CDH4: variants seen among roughly 807,000 people sequenced by gnomAD.
CDH4 encodes cadherin-4.
Under a neutral mutation model 86.0 loss-of-function variants are expected in CDH4, and 33 were observed. The ratio of observed to expected loss-of-function variants is 0.38; its 90% CI spans 0.29 to 0.51. The LOEUF (loss-of-function observed/expected upper bound fraction) is 0.51. Ranked by LOEUF, CDH4 falls within the 20% of genes least tolerant of loss-of-function variation. CDH4 has a pLI of 0.86. For synonymous variants in CDH4, 555 were observed against 549.4 expected, an observed-to-expected ratio of 1.01 and a Z score of -0.14; for missense variants, 1,114 against 1,307.4, an observed-to-expected ratio of 0.85 and a Z score of 2.28.
intron 2 of CDH4, among the ~76,000 whole-genome samples, chr20:61,403,097 C>T (rs1304032522): frequency 2.0e-5 from 3 of 152,184 alleles, no homozygotes; most frequent in Admixed American, 6.5e-5. Context: ...CCCCATTCTC[C>T]CTTTCTCCTT....
chr20:61,876,695 T>C (rs541766312), intron 7 of CDH4, among the ~76,000 whole-genome samples: 69 of 152,214 alleles, frequency 4.5e-4, no homozygotes, highest in African/African-American at 1.6e-3. Context: ...CTGCACTGGT[T>C]TCGTGTCGGT....
chr20:61,747,262 A>C (rs1422524704), intron 3 of CDH4, among the ~76,000 whole-genome samples: 2 of 152,142 alleles, frequency 1.3e-5, no homozygotes, highest in Non-Finnish European at 2.9e-5. Flanking sequence ...AACACGGTGA[A>C]ACTCTGTCTC....
At chr20:61,276,159 C>A (rs1259267276) in intron 2 of CDH4, among the ~76,000 whole-genome samples, 1 of 152,154 alleles carries the variant, frequency 6.6e-6, no homozygotes, top group African/African-American at 2.4e-5. Context: ...CTCACAGTGC[C>A]TGTCTTTTGG....
At chr20:61,732,102 G>T (rs2088197348) in intron 2 of CDH4, among the ~76,000 whole-genome samples, 1 of 152,066 alleles carries the variant, frequency 6.6e-6, no homozygotes, top group African/African-American at 2.4e-5. Context: ...CTCACTGCTG[G>T]GCTGGTTCAC....
intron 3 of CDH4, among the ~76,000 whole-genome samples, chr20:61,761,118 T>C (rs1238188064): frequency 1.3e-5 from 2 of 152,072 alleles, no homozygotes; most frequent in East Asian, 1.9e-4. Flanking sequence ...GAAAAGGAAA[T>C]AGGAGGTAGA....
chr20:61,843,002 C>T (rs1047265114), intron 4 of CDH4, among the ~76,000 whole-genome samples: 4 of 152,204 alleles, frequency 2.6e-5, no homozygotes, highest in African/African-American at 7.2e-5. Context: ...ATGGTTATTT[C>T]GCAGTGTCAT....
chr20:61,316,350 C>G (rs1240488118), intron 2 of CDH4, among the ~76,000 whole-genome samples: 1 of 152,242 alleles, frequency 6.6e-6, no homozygotes, highest in African/African-American at 2.4e-5. Flanking sequence ...ATAGAGACCG[C>G]CGCGCTGACC....
At chr20:61,820,620 G>A (rs962369908) in intron 4 of CDH4, among the ~76,000 whole-genome samples, 1 of 152,218 alleles carries the variant, frequency 6.6e-6, no homozygotes, top group Non-Finnish European at 1.5e-5. Context: ...GCCAGGCCAC[G>A]GGGCTCCCAC....
intron 2 of CDH4, among the ~76,000 whole-genome samples, chr20:61,491,287 C>A (rs1000591616): frequency 6.6e-6 from 1 of 152,212 alleles, no homozygotes; most frequent in Non-Finnish European, 1.5e-5. Context: ...CAGTTCCACA[C>A]AGGTTACTTG....
intron 2 of CDH4, among the ~76,000 whole-genome samples, chr20:61,298,020 C>T (rs2084366023): frequency 1.3e-5 from 2 of 152,238 alleles, no homozygotes; most frequent in Non-Finnish European, 2.9e-5. Context: ...CAAGGAGGCC[C>T]ACGCAGGCAC....
intron 2 of CDH4, among the ~76,000 whole-genome samples, chr20:61,620,481 A>T (rs373702207): frequency 6.6e-6 from 1 of 152,006 alleles, no homozygotes; most frequent in Non-Finnish European, 1.5e-5. Flanking sequence ...GGATAGATAG[A>T]TGGATGATGG....
chr20:61,374,259 G>A (rs2084854972), intron 2 of CDH4, among the ~76,000 whole-genome samples: 1 of 152,190 alleles, frequency 6.6e-6, no homozygotes, highest in South Asian at 2.1e-4. Flanking sequence ...GATGCGTGAA[G>A]CTGGACCAGG....
chr20:61,484,973 A>G (rs2085588107), intron 2 of CDH4, among the ~76,000 whole-genome samples: 1 of 152,222 alleles, frequency 6.6e-6, no homozygotes, highest in African/African-American at 2.4e-5. Flanking sequence ...AGAAAAGACT[A>G]TTGGGATGTA....
chr20:61,836,208 A>G (rs1981870212), intron 4 of CDH4, among the ~76,000 whole-genome samples: 2 of 152,206 alleles, frequency 1.3e-5, no homozygotes, highest in Admixed American at 6.5e-5. Flanking sequence ...ACCACTTACC[A>G]TGGGAGAACA....
intron 2 of CDH4, among the ~76,000 whole-genome samples, chr20:61,423,675 G>T (rs553392090): frequency 6.2e-5 from 4 of 64,500 alleles, no homozygotes; most frequent in Admixed American, 5.4e-4. Flanking sequence ...AGGTACGTTC[G>T]TCATTTTTTT....
chr20:61,888,906 G>A (rs6061882), intron 7 of CDH4, among the ~76,000 whole-genome samples: 26 of 152,306 alleles, frequency 1.7e-4, no homozygotes, highest in South Asian at 1.2e-3. Context: ...CTCCGTAAAT[G>A]GTAAAGAAAT....
rs117643279 is a variant in CDH4 at position 61,746,636 on chromosome 20, G to A, written c.396+2847G>A. On this transcript the variant is annotated intron_variant, in intron 3 of 15. Coordinates refer to ENST00000614565, the MANE Select transcript of CDH4 (RefSeq NM_001794.5). ...GCAAGGCTTCTGCGACTTACTGGCT[G>A]GGTGTTTTGGGAGAATTCACACAAC... is the stretch of plus-strand genomic sequence containing the variant. 1.0e-3 allele frequency among the ~76,000 whole-genome samples: 155 copies of A among 152,372 alleles called. 1 individual carries two copies. The East Asian group carries it at 0.021, about 21-fold the overall frequency.
intron 2 of CDH4, among the ~76,000 whole-genome samples, chr20:61,286,136 T>A (rs1433599947): frequency 6.6e-6 from 1 of 152,150 alleles, no homozygotes; most frequent in Non-Finnish European, 1.5e-5. Context: ...AAGGTGAGCA[T>A]TCATATCTCC....
chr20:61,799,199 C>T (rs1282663088), intron 4 of CDH4, among the ~76,000 whole-genome samples: 1 of 152,128 alleles, frequency 6.6e-6, no homozygotes, highest in Admixed American at 6.5e-5. Flanking sequence ...TGTCTTACTA[C>T]CTCTATGAGG....
Sources: allele counts gnomAD v4.1 joint callset (sites outside exome capture counted in the v4.1 genomes callset), GRCh38; gene constraint gnomAD v4.1.1; transcripts MANE v1.5; gene names NCBI Gene and HGNC (gene_info 2026-07-23, HGNC 2026-07-21).